HIVEP3: variants seen among roughly 807,000 people sequenced by gnomAD.
HIVEP3 encodes HIVEP zinc finger 3.
HIVEP3 carries 49 observed loss-of-function variants against 152.8 expected under a neutral mutation model. That is an observed-to-expected ratio of 0.32 (90% CI 0.26 to 0.41). The LOEUF (loss-of-function observed/expected upper bound fraction) is 0.41. HIVEP3 is among the 10% of genes least tolerant of loss of function. HIVEP3 has a pLI of 1.00. For synonymous variants in HIVEP3, 1,269 were observed against 1,289.0 expected, an observed-to-expected ratio of 0.98 and a Z score of 0.33; for missense variants, 2,790 against 3,103.3, an observed-to-expected ratio of 0.90 and a Z score of 2.40.
chr1:41,859,911 C>G (rs891012852), intron 1 of HIVEP3, among the ~76,000 whole-genome samples: 7 of 152,174 alleles, frequency 4.6e-5, no homozygotes, highest in African/African-American at 1.7e-4. Flanking sequence ...AACTCCCTAC[C>G]GCTGGGAAGG....
intron 1 of HIVEP3, among the ~76,000 whole-genome samples, chr1:41,792,443 C>T (rs778557979): frequency 6.6e-6 from 1 of 152,210 alleles, no homozygotes; most frequent in African/African-American, 2.4e-5. Context: ...TTCCTCCAGC[C>T]GTGGTGGTGC....
intron 1 of HIVEP3, among the ~76,000 whole-genome samples, chr1:41,988,659 T>C (rs1645338349): frequency 6.6e-6 from 1 of 152,144 alleles, no homozygotes; most frequent in Non-Finnish European, 1.5e-5. Context: ...AGTAGGGAAG[T>C]TCCTCAAAAA....
chr1:41,651,239 G>A (rs752553420), intron 2 of HIVEP3, among the ~76,000 whole-genome samples: 3 of 151,888 alleles, frequency 2.0e-5, no homozygotes, highest in African/African-American at 4.8e-5. Flanking sequence ...GTGAAGCCCC[G>A]TCTCTACTAA....
chr1:41,991,270 AAG>A (rs1645359089), intron 1 of HIVEP3, among the ~76,000 whole-genome samples: 1 of 119,688 alleles, frequency 8.4e-6, no homozygotes, highest in South Asian at 3.0e-4. Context: ...TAAAGAAAAA[AAG>A]AGAGAAGAAT....
chr1:41,903,138 C>T (rs1644653888), intron 1 of HIVEP3, among the ~76,000 whole-genome samples: 3 of 152,278 alleles, frequency 2.0e-5, no homozygotes, highest in South Asian at 4.2e-4. Context: ...TTACTGAACA[C>T]CTGCTATGGA....
chr1:41,889,856 C>T (rs751883109), intron 1 of HIVEP3, among the ~76,000 whole-genome samples: 14 of 152,250 alleles, frequency 9.2e-5, no homozygotes, highest in Non-Finnish European at 1.9e-4. Flanking sequence ...CTAATCCTCA[C>T]AAGAACCCTG....
intron 3 of HIVEP3, among the ~76,000 whole-genome samples, chr1:41,606,735 T>G (rs1025749359): frequency 6.6e-6 from 1 of 151,900 alleles, no homozygotes; most frequent in Non-Finnish European, 1.5e-5. Flanking sequence ...AAAAAACTAT[T>G]TTTTTCAAAG....
At chr1:41,731,803 T>C (rs963001080) in intron 1 of HIVEP3, among the ~76,000 whole-genome samples, 3 of 152,236 alleles carry the variant, frequency 2.0e-5, no homozygotes, top group Non-Finnish European at 4.4e-5. Context: ...ATGACAGACC[T>C]TGAGCAAGAA....
At chr1:42,015,636 A>G (rs1195025512) in intron 1 of HIVEP3, among the ~76,000 whole-genome samples, 1 of 152,250 alleles carries the variant, frequency 6.6e-6, no homozygotes, top group Admixed American at 6.5e-5. Flanking sequence ...GCATCTTTCT[A>G]AATGTTTTGT....
intron 1 of HIVEP3, among the ~76,000 whole-genome samples, chr1:41,935,614 C>T (rs964073765): frequency 1.3e-5 from 2 of 151,432 alleles, no homozygotes. Flanking sequence ...GTCTCTCTCA[C>T]TCTCTCTCTG....
At chr1:41,820,287 AT>A (rs1374649662) in intron 1 of HIVEP3, among the ~76,000 whole-genome samples, 1 of 152,192 alleles carries the variant, frequency 6.6e-6, no homozygotes, top group African/African-American at 2.4e-5. Context: ...CAAGGTCAGA[AT>A]TGTTACGCTT....
rs143668348 is a variant in HIVEP3, at chr1:41,628,548, T to C, written c.-522+201A>G. Among the ~76,000 whole-genome samples the C allele has an allele frequency of 8.5e-5, 13 of 152,300 alleles. No individual in the cohort carries two copies. The East Asian group carries it at 2.5e-3, about 29-fold the overall frequency. On this transcript the variant is annotated intron_variant, in intron 3 of 8. Coordinates refer to ENST00000372583, the MANE Select transcript of HIVEP3 (RefSeq NM_024503.5). Reference sequence around the variant, plus strand: ...AGACAGCATGGGAAGCAGTAGCCAGTTGCTGGCACTCAAGGTCTCTACTCC... The same window carrying C: ...AGACAGCATGGGAAGCAGTAGCCAGCTGCTGGCACTCAAGGTCTCTACTCC...
intron 5 of HIVEP3, among the ~76,000 whole-genome samples, chr1:41,548,734 C>G (rs193199541): frequency 1.1e-3 from 163 of 152,202 alleles, no homozygotes; most frequent in Admixed American, 2.3e-3. Context: ...CGGGGTTTTA[C>G]CATGTTGGCC....
At chr1:42,035,859 G>A (rs934289315) in exon 1 of HIVEP3, 1 of 149,614 alleles carries the variant, frequency 6.7e-6, no homozygotes, top group African/African-American at 2.4e-5. Flanking sequence ...GGGGTGGCGG[G>A]CGGCGGGCGG....
chr1:41,812,602 T>C (rs1000344765), intron 1 of HIVEP3, among the ~76,000 whole-genome samples: 1 of 152,104 alleles, frequency 6.6e-6, no homozygotes, highest in Non-Finnish European at 1.5e-5. Flanking sequence ...TGTGTTCCCA[T>C]CTGGACACTT....
chr1:41,653,514 C>T (rs1645582934), intron 2 of HIVEP3, among the ~76,000 whole-genome samples: 1 of 152,176 alleles, frequency 6.6e-6, no homozygotes, highest in Non-Finnish European at 1.5e-5. Flanking sequence ...TCTACAAACA[C>T]ACCATGGGAA....
At chr1:41,575,342 C>G (rs775140798) in intron 5 of HIVEP3, among the ~76,000 whole-genome samples, 5 of 152,180 alleles carry the variant, frequency 3.3e-5, no homozygotes, top group Non-Finnish European at 7.4e-5. Flanking sequence ...TCACCCATCC[C>G]CACCAAGAAG....
At chr1:41,755,974 C>A (rs1647291191) in intron 1 of HIVEP3, among the ~76,000 whole-genome samples, 1 of 152,188 alleles carries the variant, frequency 6.6e-6, no homozygotes, top group African/African-American at 2.4e-5. Context: ...GACAGTAATA[C>A]TCCTGGGCAT....
chr1:41,912,228 T>C (rs529812481), intron 1 of HIVEP3, among the ~76,000 whole-genome samples: 6 of 152,312 alleles, frequency 3.9e-5, no homozygotes, highest in African/African-American at 7.2e-5. Flanking sequence ...ACAGGGGATG[T>C]CAAAGGTTCA....
Sources: allele counts gnomAD v4.1 joint callset (sites outside exome capture counted in the v4.1 genomes callset), GRCh38; gene constraint gnomAD v4.1.1; transcripts MANE v1.5; gene names NCBI Gene and HGNC (gene_info 2026-07-23, HGNC 2026-07-21).